KDM4B: variants seen among roughly 807,000 people sequenced by gnomAD.
KDM4B encodes lysine demethylase 4B.
In KDM4B, 32 loss-of-function variants were observed where a neutral mutation model predicts 125.2. The ratio of observed to expected loss-of-function variants is 0.26; its 90% confidence interval spans 0.19 to 0.34. The LOEUF (loss-of-function observed/expected upper bound fraction) is 0.34, where lower values mean the gene tolerates loss of function less well. KDM4B is among the 10% of genes least tolerant of loss of function. KDM4B has a pLI of 1.00. For missense variants in KDM4B, 1,190 were observed against 1,577.7 expected (o/e 0.75, Z 4.16); for synonymous variants, 721 against 677.9 (o/e 1.06, Z -0.99).
chr19:5,043,949 T>C, intron 5 of KDM4B, among the ~76,000 whole-genome samples: 1 of 140,504 alleles, frequency 7.1e-6, no homozygotes. Flanking sequence ...GTGTCCACTG[T>C]ATCCCGCGTG....
chr19:5,091,283 G>A (rs137916999), intron 9 of KDM4B, among the ~76,000 whole-genome samples: 24 of 152,332 alleles, frequency 1.6e-4, no homozygotes, highest in Non-Finnish European at 2.2e-4. Flanking sequence ...AACAGAGCGC[G>A]AGAGATGTGA....
intron 1 of KDM4B, among the ~76,000 whole-genome samples, chr19:4,986,523 A>G (rs1281566220): frequency 6.6e-6 from 1 of 152,188 alleles, no homozygotes; most frequent in Non-Finnish European, 1.5e-5. Context: ...GTCGGCGGGC[A>G]CAGAGGAGGG....
chr19:5,051,963 C>T (rs1019160876), intron 6 of KDM4B, among the ~76,000 whole-genome samples: 6 of 152,052 alleles, frequency 3.9e-5, no homozygotes, highest in East Asian at 1.9e-4. Context: ...GTGGGGGTCT[C>T]GGAGCTTGTG....
At chr19:5,043,052 G>A (rs1331147128) in intron 5 of KDM4B, among the ~76,000 whole-genome samples, 1 of 150,640 alleles carries the variant, frequency 6.6e-6, no homozygotes, top group Non-Finnish European at 1.5e-5. Context: ...GAACATTTGG[G>A]ACCTTGGAGC....
intron 1 of KDM4B, among the ~76,000 whole-genome samples, chr19:5,010,177 C>T (rs959017625): frequency 1.8e-4 from 28 of 152,216 alleles, no homozygotes; most frequent in East Asian, 3.8e-4. Flanking sequence ...TTGACTTTCA[C>T]GACCTTGGCA....
chr19:5,126,829 C>T (rs1421553437), intron 11 of KDM4B, among the ~76,000 whole-genome samples: 2 of 152,232 alleles, frequency 1.3e-5, no homozygotes, highest in Non-Finnish European at 2.9e-5. Context: ...GCTGGTTGGC[C>T]CAGGCATGGA....
intron 1 of KDM4B, among the ~76,000 whole-genome samples, chr19:4,974,066 A>T (rs2034356591): frequency 6.6e-6 from 1 of 151,558 alleles, no homozygotes; most frequent in African/African-American, 2.4e-5. Context: ...CTGCCACTGC[A>T]CTCCAGCCTG....
chr19:5,144,381 A>G lies in KDM4B; in HGVS notation c.2870A>G (p.Tyr957Cys), dbSNP rs2039801771. The G allele has an allele frequency of 1.3e-6, 2 of 1,558,638 alleles. No homozygotes were observed. Among genetic ancestry groups the G allele is most frequent in the Non-Finnish European group, 1.7e-6 (2 of 1,151,042 alleles). ...GAAGTGAACTTCGACGATGGCTCCTACAGCGACAACCTGTACCCTGAGAGC... is the reference window on the plus strand; with the variant it reads ...GAAGTGAACTTCGACGATGGCTCCTGCAGCGACAACCTGTACCCTGAGAGC... ...CYEVNFDDGSYSDNLYPESIT... is the reference protein window; with the variant it reads ...CYEVNFDDGSCSDNLYPESIT... Residue 957 changes from tyrosine (Y) to cysteine (C), a missense_variant, in exon 20 of 23, where the codon TAC becomes TGC. Transcript: ENST00000159111.
At chr19:4,970,319 T>C (rs1049465225) in intron 1 of KDM4B, among the ~76,000 whole-genome samples, 5 of 152,206 alleles carry the variant, frequency 3.3e-5, no homozygotes, top group Non-Finnish European at 7.3e-5. Context: ...GAGGAAGTGT[T>C]CCCCGAGTTG....
intron 6 of KDM4B, among the ~76,000 whole-genome samples, chr19:5,050,060 G>C (rs1012648614): frequency 6.6e-6 from 1 of 152,222 alleles, no homozygotes; most frequent in Non-Finnish European, 1.5e-5. Context: ...AGATCACCAA[G>C]GCTGCGCCCC....
chr19:4,972,950 C>G lies in KDM4B; in HGVS notation c.-109+3720C>G, dbSNP rs150216984. The stretch of plus-strand genomic sequence containing the variant: ...GGGCTGCTCTCTGGCCTCTGAGCTC[C>G]GGGTCTTCCTGGGCTGCTCTTTGGC... On this transcript the variant is annotated intron_variant, in intron 1 of 22. Transcript: ENST00000159111. Among the ~76,000 whole-genome samples, 816 of 152,196 alleles carry G rather than the reference C, an allele frequency of 5.4e-3. 2 individuals carry two copies. Among genetic ancestry groups the G allele is most frequent in the Middle Eastern group, 0.034 (10 of 294 alleles).
intron 6 of KDM4B, among the ~76,000 whole-genome samples, chr19:5,070,286 C>T (rs910799933): frequency 6.6e-6 from 1 of 152,146 alleles, no homozygotes; most frequent in Non-Finnish European, 1.5e-5. Flanking sequence ...CTCAAGGCTG[C>T]GGCTCCTGGT....
intron 10 of KDM4B, among the ~76,000 whole-genome samples, chr19:5,119,452 C>T (rs1222238825): frequency 2.6e-5 from 4 of 152,218 alleles, no homozygotes; most frequent in Non-Finnish European, 4.4e-5. Flanking sequence ...TTGGTCTCTC[C>T]TCCCAACACG....
At chr19:5,041,722 A>G (rs1285453070) in intron 5 of KDM4B, among the ~76,000 whole-genome samples, 1 of 152,180 alleles carries the variant, frequency 6.6e-6, no homozygotes, top group African/African-American at 2.4e-5. Context: ...TCTTGTCCAC[A>G]CAGCCTGGGC....
In KDM4B at chr19:5,142,228, G is replaced by C. The variant is rs548534443; in HGVS notation, c.2551-1739G>C. The stretch of plus-strand genomic sequence containing the variant: ...GCCTGGGCCCTTCCAGGCCCCCCAC[G>C]GGCCGTAGACCCTGACTCCCCGGCA... On this transcript the variant is annotated intron_variant, in intron 18 of 22. Coordinates refer to ENST00000159111, the MANE Select transcript of KDM4B (RefSeq NM_015015.3). This position sits in a 1 kb window ranked among gnomAD's most constrained non-coding sequence, Gnocchi z 5.4. 7.0e-4 allele frequency among the ~76,000 whole-genome samples: 107 copies of C among 152,130 alleles called. No homozygotes were observed. Among genetic ancestry groups the C allele is most frequent in the African/African-American group, 2.4e-3 (101 of 41,526 alleles).
At chr19:5,061,177 G>A (rs1316573261) in intron 6 of KDM4B, among the ~76,000 whole-genome samples, 2 of 152,214 alleles carry the variant, frequency 1.3e-5, no homozygotes, top group Admixed American at 6.5e-5. Flanking sequence ...TGCGAGAGCC[G>A]AGAGCTCTGT....
At chr19:5,066,178 G>A (rs1599543845) in intron 6 of KDM4B, among the ~76,000 whole-genome samples, 1 of 152,366 alleles carries the variant, frequency 6.6e-6, no homozygotes, top group South Asian at 2.1e-4. Context: ...CTCTTGCCCA[G>A]TGGGTGGCTT....
Position 5,114,395 on chromosome 19 carries a change from C to T in KDM4B, c.1115+3577C>T. On this transcript the variant is annotated intron_variant, in intron 10 of 22. Transcript: ENST00000159111. The surrounding 1 kb of genome is among the most constrained non-coding windows in gnomAD (Gnocchi z 5.8). ...CTGTCGCCCCTGCGCCAGTGCAGGACACCGCCACGCCTCTGGCCCCGACTC... is the reference window on the plus strand; with the variant it reads ...CTGTCGCCCCTGCGCCAGTGCAGGATACCGCCACGCCTCTGGCCCCGACTC... 2.0e-6 allele frequency: 1 copy of T among 495,992 alleles called. No individual in the cohort carries two copies. The highest frequency in any genetic ancestry group is 3.7e-6 in the Non-Finnish European group (1 of 266,780). 30.7% of individuals were successfully genotyped at this position (495,992 alleles called of 1,614,324 possible).
chr19:5,090,729 G>A (rs1019420996), intron 9 of KDM4B, among the ~76,000 whole-genome samples: 3 of 142,522 alleles, frequency 2.1e-5, no homozygotes, highest in African/African-American at 5.3e-5. Context: ...GAGGACCAGA[G>A]TAGTGCAGTG....
Sources: gnomAD v4.1 joint callset for allele counts (sites outside exome capture counted in the v4.1 genomes callset) on GRCh38, gnomAD v4.1.1 for gene constraint, Gnocchi (gnomAD v3.1) non-coding constraint, MANE v1.5 for transcripts, NCBI Gene and HGNC (gene_info 2026-07-23, HGNC 2026-07-21) for gene names.